KAZN: variants seen among roughly 807,000 people sequenced by gnomAD.
KAZN encodes kazrin.
Under a neutral mutation model 87.4 loss-of-function variants are expected in KAZN, and 40 were observed. The observed-to-expected ratio is 0.46, with a 90% CI of 0.36 to 0.60. The LOEUF (loss-of-function observed/expected upper bound fraction) is 0.60, where lower values mean the gene tolerates loss of function less well. KAZN is among the 20% of genes least tolerant of loss of function. KAZN has a pLI of 0.00. For synonymous variants in KAZN, 466 were observed against 458.3 expected, an observed-to-expected ratio of 1.02 and a Z score of -0.22; for missense variants, 898 against 1,073.9, an observed-to-expected ratio of 0.84 and a Z score of 2.29.
At position 15,104,010 on chromosome 1, in the gene KAZN, C is replaced by A. The variant is rs1443093024; in HGVS notation, c.1882-13C>A. ...CCCCTGCAGGCTAACAAGTCCCCTG[C>A]CTTTGCCCCCAGGAGTACGCAGACA... On this transcript the variant is annotated splice_polypyrimidine_tract_variant and intron_variant, in intron 12 of 14. Transcript: ENST00000376030. 2 of 1,611,262 alleles carry A rather than the reference C, an allele frequency of 1.2e-6. No homozygotes were observed. Among genetic ancestry groups the A allele is most frequent in the Middle Eastern group, 1.7e-4 (1 of 6,028 alleles).
chr1:13,992,970 G>A lies in KAZN; in HGVS notation c.91+99214G>A, dbSNP rs183025482. Among the ~76,000 whole-genome samples, 632 of 152,242 alleles carry A rather than the reference G, an allele frequency of 4.2e-3. 4 individuals carry two copies. Among genetic ancestry groups the A allele is most frequent in the African/African-American group, 0.015 (613 of 41,548 alleles). On this transcript the variant is annotated intron_variant, in intron 1 of 16. Transcript: ENST00000636203. ...TTCTCTCTCATCATCTCCCAAGACT[G>A]AAAACACAGCATGATAGAGTCTATG...
intron 2 of KAZN, among the ~76,000 whole-genome samples, chr1:14,455,267 C>G (rs867202689): frequency 1.3e-5 from 2 of 152,324 alleles, no homozygotes; most frequent in African/African-American, 4.8e-5. Context: ...CTAACCATGT[C>G]CTGAGAGTAT....
At chr1:14,877,110 G>A (rs1451392669) in intron 1 of KAZN, among the ~76,000 whole-genome samples, 21 of 152,184 alleles carry the variant, frequency 1.4e-4, no homozygotes, top group Admixed American at 1.4e-3. Context: ...GATCCTTCAG[G>A]CATGACTGGC....
At chr1:14,509,774 G>C (rs537829214) in intron 2 of KAZN, among the ~76,000 whole-genome samples, 1 of 152,116 alleles carries the variant, frequency 6.6e-6, no homozygotes, top group Non-Finnish European at 1.5e-5. Context: ...ATCTTATGAA[G>C]AAAACAAAAC....
intron 1 of KAZN, among the ~76,000 whole-genome samples, chr1:14,706,555 A>G (rs912498226): frequency 2.0e-5 from 3 of 152,234 alleles, no homozygotes; most frequent in Non-Finnish European, 4.4e-5. Flanking sequence ...ATCACTATAC[A>G]TTATATGTAT....
chr1:14,012,662 C>T (rs897728552), intron 1 of KAZN, among the ~76,000 whole-genome samples: 5 of 152,058 alleles, frequency 3.3e-5, no homozygotes, highest in African/African-American at 9.7e-5. Flanking sequence ...GAAATTAGCT[C>T]GGCGTGTTGG....
intron 2 of KAZN, among the ~76,000 whole-genome samples, chr1:14,359,023 G>T (rs557473728): frequency 6.6e-6 from 1 of 152,252 alleles, no homozygotes; most frequent in East Asian, 1.9e-4. Flanking sequence ...ACAGTGGGGT[G>T]TTAAAGTCTC....
In KAZN at chr1:14,538,944, G is replaced by A. The variant is rs148641224; in HGVS notation, c.250-60039G>A. ...CTGGCCAGGAATTTACCCTTTAGTT[G>A]CTCCATTAGGGGAGGCGAGTGGATG... is the stretch of plus-strand genomic sequence containing the variant. On this transcript the variant is annotated intron_variant, in intron 2 of 16. Transcript: ENST00000636203. Among the ~76,000 whole-genome samples the A allele has an allele frequency of 4.8e-3, 724 of 152,264 alleles. 4 individuals carry two copies. Among genetic ancestry groups the A allele is most frequent in the Non-Finnish European group, 8.4e-3 (569 of 68,026 alleles).
intron 1 of KAZN, among the ~76,000 whole-genome samples, chr1:13,974,411 CAG>C: frequency 6.6e-6 from 1 of 152,182 alleles, no homozygotes; most frequent in Non-Finnish European, 1.5e-5. Flanking sequence ...ATCGAATTCT[CAG>C]AAGCTGTGAA....
chr1:15,003,466 A>G (rs1668703683), intron 2 of KAZN, among the ~76,000 whole-genome samples: 1 of 152,174 alleles, frequency 6.6e-6, no homozygotes, highest in Admixed American at 6.5e-5. Flanking sequence ...TGCATTTCAA[A>G]TTACAGGCAG....
intron 2 of KAZN, among the ~76,000 whole-genome samples, chr1:15,012,824 A>G (rs1167874008): frequency 6.6e-6 from 1 of 152,220 alleles, no homozygotes; most frequent in African/African-American, 2.4e-5. Flanking sequence ...CAGGAGGCAG[A>G]GGTATGAGAA....
At chr1:14,295,452 C>T (rs1309834360) in intron 2 of KAZN, among the ~76,000 whole-genome samples, 1 of 152,108 alleles carries the variant, frequency 6.6e-6, no homozygotes, top group Non-Finnish European at 1.5e-5. Flanking sequence ...GACACACACA[C>T]CCAAAGAGAC....
intron 2 of KAZN, among the ~76,000 whole-genome samples, chr1:14,573,967 A>G (rs1218062736): frequency 6.6e-6 from 1 of 152,130 alleles, no homozygotes; most frequent in African/African-American, 2.4e-5. Context: ...TCTCAGTCCA[A>G]CCATTCCTAT....
At chr1:14,960,192 C>T (rs1557662549) in intron 1 of KAZN, among the ~76,000 whole-genome samples, 1 of 152,166 alleles carries the variant, frequency 6.6e-6, no homozygotes, top group Non-Finnish European at 1.5e-5. Context: ...GTCAGCCAGG[C>T]CTTGGTTCAA....
intron 2 of KAZN, among the ~76,000 whole-genome samples, chr1:14,415,230 A>G (rs532990697): frequency 1.3e-5 from 2 of 152,310 alleles, no homozygotes; most frequent in Non-Finnish European, 2.9e-5. Flanking sequence ...TTCATTATAA[A>G]ATATTTTTTT....
intron 1 of KAZN, among the ~76,000 whole-genome samples, chr1:14,762,789 G>A (rs1337362174): frequency 1.3e-5 from 2 of 152,036 alleles, no homozygotes; most frequent in Non-Finnish European, 2.9e-5. Context: ...CCCCACAGGG[G>A]CCATGGGCCA....
chr1:14,685,710 G>T (rs1640914223), intron 1 of KAZN, among the ~76,000 whole-genome samples: 1 of 152,186 alleles, frequency 6.6e-6, no homozygotes, highest in South Asian at 2.1e-4. Context: ...TGGGAGAAAT[G>T]CTGTTTAGTT....
rs566184937 is a variant in KAZN at position 14,518,757 on chromosome 1, G to A, written c.250-80226G>A. Among the ~76,000 whole-genome samples the A allele has an allele frequency of 6.5e-4, 99 of 152,284 alleles. 1 individual carries two copies. In the South Asian group the frequency reaches 0.01, roughly 16 times the overall value. On this transcript the variant is annotated intron_variant, in intron 2 of 16. Transcript: ENST00000636203. ...GCCTCCATTTTCTCATCAGCAAGAT[G>A]GTGAAAATACAAGGCTATTAGGAGA...
At chr1:14,967,705 C>A (rs1397222691) in intron 2 of KAZN, among the ~76,000 whole-genome samples, 4 of 152,164 alleles carry the variant, frequency 2.6e-5, no homozygotes, top group African/African-American at 9.7e-5. Context: ...CCGTTGCTGG[C>A]TTTGAAGACA....
Sources: gnomAD v4.1 joint callset for allele counts (sites outside exome capture counted in the v4.1 genomes callset) on GRCh38, gnomAD v4.1.1 for gene constraint, MANE v1.5 for transcripts, NCBI Gene and HGNC (gene_info 2026-07-23, HGNC 2026-07-21) for gene names.